Variants in PRSS23 observed in about 807,000 individuals in gnomAD.
PRSS23 encodes the protein serine protease 23.
A neutral mutation model predicts 34.7 loss-of-function variants in PRSS23; 25 were observed. The ratio of observed to expected loss-of-function variants is 0.72; its 90% confidence interval spans 0.53 to 1.01. The LOEUF (loss-of-function observed/expected upper bound fraction) is 1.01. Among genes scored for constraint, PRSS23 ranks in the 50% least tolerant of loss-of-function variants. The pLI, the probability that PRSS23 is intolerant of heterozygous loss-of-function variation, is 0.00. For synonymous variants in PRSS23, 176 were observed against 186.6 expected (o/e 0.94, Z 0.46); for missense variants, 445 against 475.6 (o/e 0.94, Z 0.60).
At chr11:86,843,521 A>G (rs563589593) in intron 2 of PRSS23, among the ~76,000 whole-genome samples, 1 of 152,360 alleles carries the variant, frequency 6.6e-6, no homozygotes, top group South Asian at 2.1e-4. Context: ...CAATCTATCC[A>G]TCTGACAAAG....
At chr11:86,797,887 G>A (rs1415022917), upstream of PRSS23, among the ~76,000 whole-genome samples, 5 of 152,204 alleles carry the variant, frequency 3.3e-5, no homozygotes, top group Non-Finnish European at 1.5e-5. Flanking sequence ...AAAGTTAAGT[G>A]AAAAGCCACA....
At chr11:86,952,116 A>G (rs1949298516) in exon 3 of PRSS23, 1 of 1,613,900 alleles carries the variant, frequency 6.2e-7, no homozygotes, top group African/African-American at 1.3e-5. Context: ...TCCTTGGCTG[A>G]GCGGCTGTAT....
intron 2 of PRSS23, among the ~76,000 whole-genome samples, chr11:86,834,774 C>G (rs1420666398): frequency 6.6e-6 from 1 of 152,060 alleles, no homozygotes; most frequent in Non-Finnish European, 1.5e-5. Flanking sequence ...GGTAAGCATA[C>G]ATAGAGTCTG....
At position 86,793,436 on chromosome 11, in the gene PRSS23, C is replaced by T. The variant is rs368458225; in HGVS notation, c.-14+2241C>T. Among the ~76,000 whole-genome samples the T allele has an allele frequency of 7.9e-5, 12 of 152,312 alleles. No individual in the cohort carries two copies. In the South Asian group the frequency reaches 2.5e-3, roughly 32 times the overall value. ...TACTGCAAAGAGTTCTGCAGAAAGC[C>T]AGTCAAATGTCATAAATCATGGACA... On this transcript the variant is annotated intron_variant, in intron 1 of 1. Coordinates refer to the PRSS23 transcript ENST00000527521.
At chr11:86,933,673 A>C (rs896801975) in intron 2 of PRSS23, 1 of 152,228 alleles carries the variant, frequency 6.6e-6, no homozygotes, top group African/African-American at 2.4e-5. Flanking sequence ...AAGTGGGAAG[A>C]GTGCGGCTCA....
chr11:86,922,819 G>A (rs1949055669), intron 2 of PRSS23, among the ~76,000 whole-genome samples: 1 of 152,122 alleles, frequency 6.6e-6, no homozygotes, highest in Non-Finnish European at 1.5e-5. Flanking sequence ...TCATATTCCT[G>A]CATCTAACAG....
chr11:86,861,493 C>G lies in PRSS23; in HGVS notation c.206+37900C>G, dbSNP rs182017150. On this transcript the variant is annotated intron_variant, in intron 2 of 2. Coordinates refer to the PRSS23 transcript ENST00000533902. ...AAGTGTATGATATAATTCCCTATAT[C>G]GCAGAAGGTGTACACGCCCTTGTGA... 9.1e-3 allele frequency among the ~76,000 whole-genome samples: 1,375 copies of G among 151,770 alleles called. 25 individuals are homozygous for G. The highest frequency in any genetic ancestry group is 0.03 in the African/African-American group (1,255 of 41,330).
At chr11:86,865,517 G>T (rs923732994) in intron 2 of PRSS23, among the ~76,000 whole-genome samples, 4 of 152,176 alleles carry the variant, frequency 2.6e-5, no homozygotes, top group Non-Finnish European at 4.4e-5. Flanking sequence ...GGGCCTCAGT[G>T]GCAATGCCAA....
chr11:86,801,095 T>C (rs939200901), intron 1 of PRSS23, among the ~76,000 whole-genome samples: 1 of 152,136 alleles, frequency 6.6e-6, no homozygotes, highest in Non-Finnish European at 1.5e-5. Context: ...GTTTTAACCC[T>C]GGGCATGTGA....
At chr11:86,822,637 A>T (rs1948261592) in intron 1 of PRSS23, among the ~76,000 whole-genome samples, 1 of 151,904 alleles carries the variant, frequency 6.6e-6, no homozygotes, top group African/African-American at 2.4e-5. Flanking sequence ...AAAAAAAAAA[A>T]AAATGCAGAA....
At chr11:86,799,744 AG>A (rs1447134516), upstream of PRSS23, among the ~76,000 whole-genome samples, 1 of 150,764 alleles carries the variant, frequency 6.6e-6, no homozygotes, top group Non-Finnish European at 1.5e-5. Context: ...GGAGTGATTC[AG>A]GGAAGTAGGC....
chr11:86,924,878 G>T (rs947921686), intron 2 of PRSS23: 8 of 152,162 alleles, frequency 5.3e-5, no homozygotes, highest in Non-Finnish European at 1.2e-4. Context: ...CCTAACCGGG[G>T]TCAGCTTCTG....
In PRSS23 at chr11:86,808,884, G is replaced by GTC. The variant is rs1948143782; in HGVS notation, c.*90_*91insCT. The GTC allele has an allele frequency of 3.4e-6, 1 of 293,836 alleles. No individual in the cohort carries two copies. Among genetic ancestry groups the GTC allele is most frequent in the African/African-American group, 4.0e-5 (1 of 25,192 alleles). 18.2% of individuals were successfully genotyped at this position (293,836 alleles called of 1,614,324 possible). The stretch of plus-strand genomic sequence containing the variant: ...TGTTTTTTGTCATTGGCGTGCACAC[G>GTC]TGTGTGTGTGTGTGTGTGTGTGTGT... On this transcript the variant is annotated 3_prime_UTR_variant, in exon 2 of 2. Transcript: ENST00000280258.
chr11:86,869,342 G>A (rs1029454482), intron 2 of PRSS23, among the ~76,000 whole-genome samples: 1 of 152,104 alleles, frequency 6.6e-6, no homozygotes. Context: ...TCATTTTCTG[G>A]TTCACATTTC....
chr11:86,836,435 G>C (rs1948406148), intron 2 of PRSS23, among the ~76,000 whole-genome samples: 2 of 152,096 alleles, frequency 1.3e-5, no homozygotes, highest in African/African-American at 4.8e-5. Context: ...ACAGACTTCA[G>C]GATTAATTCC....
chr11:86,891,607 T>A (rs1446577930), intron 2 of PRSS23, among the ~76,000 whole-genome samples: 4 of 152,200 alleles, frequency 2.6e-5, no homozygotes, highest in African/African-American at 9.6e-5. Context: ...CTTTTTGTGT[T>A]CTTTCCCACA....
chr11:86,821,489 T>C (rs1262059742), intron 1 of PRSS23: 2 of 1,610,774 alleles, frequency 1.2e-6, no homozygotes, highest in African/African-American at 1.3e-5. Context: ...CAGAGCTTTA[T>C]GAGCTGCACA....
intron 2 of PRSS23, among the ~76,000 whole-genome samples, chr11:86,899,672 G>A (rs1465402213): frequency 6.6e-6 from 1 of 152,030 alleles, no homozygotes; most frequent in Non-Finnish European, 1.5e-5. Flanking sequence ...CCGCCACCAT[G>A]CCTGGCTAAT....
Position 86,808,235 on chromosome 11 carries a change from A to G in PRSS23, c.592A>G (p.Lys198Glu), listed in dbSNP as rs1452497650. ...GCTTCGAGTGGGCTTCCTAAAGCCC[A>G]AGTTTAAAGATGGTGGTCGAGGGGC... ...QKLRVGFLKP[K>E]FKDGGRGAND... is the part of the protein sequence containing the mutation. Residue 198 changes from lysine (K) to glutamate (E), a missense_variant, in exon 2 of 2, where the codon AAG (lysine) becomes GAG (glutamate). Physicochemically the swap from Lys to Glu is moderately conservative, Grantham distance 56 (BLOSUM62 1). Coordinates refer to ENST00000280258, the MANE Select transcript of PRSS23 (RefSeq NM_007173.6). The G allele has an allele frequency of 6.2e-7, 1 of 1,614,164 alleles. No homozygotes were observed.
Sources: allele counts gnomAD v4.1 joint callset (sites outside exome capture counted in the v4.1 genomes callset), GRCh38; gene constraint gnomAD v4.1.1; transcripts MANE v1.5; gene names NCBI Gene and HGNC (gene_info 2026-07-23, HGNC 2026-07-21).